MSRA: variants seen among roughly 807,000 people sequenced by gnomAD.
MSRA encodes the protein methionine sulfoxide reductase A.
Under a neutral mutation model 31.3 loss-of-function variants are expected in MSRA, and 54 were observed. The observed-to-expected ratio is 1.73, with a 90% CI of 1.39 to 2.17. The LOEUF is 2.17. MSRA is among the 30% of genes most tolerant of loss of function. The pLI is 0.00. For synonymous variants in MSRA, 169 were observed against 116.5 expected (o/e 1.45, Z -2.90); for missense variants, 507 against 300.9 (o/e 1.69, Z -5.07).
chr8:10,152,207 G>C (rs534537988), intron 1 of MSRA, among the ~76,000 whole-genome samples: 1 of 152,250 alleles, frequency 6.6e-6, no homozygotes, highest in South Asian at 2.1e-4. Flanking sequence ...GAACAAAACT[G>C]TCTGTGTGCA....
chr8:10,151,691 G>A (rs1440582996), intron 1 of MSRA, among the ~76,000 whole-genome samples: 1 of 152,116 alleles, frequency 6.6e-6, no homozygotes, highest in Non-Finnish European at 1.5e-5. Flanking sequence ...GCAGGAGAAA[G>A]GGCGTTGAGT....
intron 1 of MSRA, chr8:10,096,259 C>A (rs76103397): frequency 6.1e-5 from 72 of 1,177,788 alleles, no homozygotes; most frequent in Non-Finnish European, 7.5e-5. Flanking sequence ...AGTGACAACA[C>A]TGAAGACCAG....
intron 5 of MSRA, among the ~76,000 whole-genome samples, chr8:10,394,698 C>G (rs757263825): frequency 6.6e-6 from 1 of 152,248 alleles, no homozygotes; most frequent in Non-Finnish European, 1.5e-5. Context: ...GGAAACAGGT[C>G]CTGCTTCCCT....
At chr8:10,085,305 G>C (rs529857636) in intron 1 of MSRA, among the ~76,000 whole-genome samples, 3 of 152,254 alleles carry the variant, frequency 2.0e-5, no homozygotes, top group African/African-American at 7.2e-5. Context: ...GGCCCCATTT[G>C]AGATGAACAT....
chr8:10,288,035 T>C (rs1800030347), intron 3 of MSRA, among the ~76,000 whole-genome samples: 2 of 152,118 alleles, frequency 1.3e-5, no homozygotes, highest in Non-Finnish European at 2.9e-5. Flanking sequence ...AGTAAATACT[T>C]AGTGAATGAA....
At chr8:10,147,352 T>C (rs934144644) in intron 1 of MSRA, among the ~76,000 whole-genome samples, 1 of 152,088 alleles carries the variant, frequency 6.6e-6, no homozygotes, top group African/African-American at 2.4e-5. Context: ...GAGGGTCAGC[T>C]TCCGCAGCAG....
At chr8:10,067,835 T>A (rs1381297025) in intron 1 of MSRA, among the ~76,000 whole-genome samples, 1 of 149,718 alleles carries the variant, frequency 6.7e-6, no homozygotes, top group Non-Finnish European at 1.5e-5. Context: ...TCTGTTCAAA[T>A]CTTTTGCCCA....
chr8:10,370,139 C>T (rs1232322242), intron 5 of MSRA, among the ~76,000 whole-genome samples: 3 of 152,212 alleles, frequency 2.0e-5, no homozygotes, highest in Non-Finnish European at 4.4e-5. Flanking sequence ...AATGCTTCCA[C>T]ATGTCATTTT....
Position 10,350,600 on chromosome 8 carries a change from A to T in MSRA, c.543+30611A>T, listed in dbSNP as rs565377064. On this transcript the variant is annotated intron_variant, in intron 5 of 5. Coordinates refer to ENST00000317173, the MANE Select transcript of MSRA (RefSeq NM_012331.5). Reference sequence around the variant, plus strand: ...CACTGGTCAGCAGCCGTAATGTTTGAATTGGAACCAGAAAATAGCTCTCAA... The same window carrying T: ...CACTGGTCAGCAGCCGTAATGTTTGTATTGGAACCAGAAAATAGCTCTCAA... 3.3e-5 allele frequency among the ~76,000 whole-genome samples: 5 copies of T among 152,352 alleles called. No homozygotes were observed. The South Asian group carries it at 1.0e-3, about 32-fold the overall frequency.
chr8:10,227,572 T>G (rs984273418), intron 2 of MSRA, among the ~76,000 whole-genome samples: 3 of 152,106 alleles, frequency 2.0e-5, no homozygotes, highest in African/African-American at 4.8e-5. Context: ...CAGAGAATAT[T>G]CCCGGGGTTA....
chr8:10,159,155 A>C (rs972534672), intron 1 of MSRA, among the ~76,000 whole-genome samples: 6 of 152,214 alleles, frequency 3.9e-5, no homozygotes, highest in Non-Finnish European at 8.8e-5. Flanking sequence ...AGTGGATTAC[A>C]GGGGAATCTA....
At chr8:10,337,474 C>A (rs1039363055) in intron 5 of MSRA, 5 of 496,756 alleles carry the variant, frequency 1.0e-5, no homozygotes, top group Non-Finnish European at 1.8e-5. Flanking sequence ...CCACCACGCC[C>A]GGCCAAGCCT....
chr8:10,057,534 ATATGG>A (rs1224850797), intron 1 of MSRA, among the ~76,000 whole-genome samples: 3 of 152,104 alleles, frequency 2.0e-5, no homozygotes, highest in African/African-American at 4.8e-5. Flanking sequence ...TAAAAGTCCA[ATATGG>A]TTTGGTTTTG....
intron 3 of MSRA, among the ~76,000 whole-genome samples, chr8:10,246,862 A>G (rs145529150): frequency 6.6e-6 from 1 of 152,316 alleles, no homozygotes; most frequent in South Asian, 2.1e-4. Context: ...ACGCTTATGC[A>G]TAGCTATAAA....
At chr8:10,057,714 C>A (rs185551880) in intron 1 of MSRA, among the ~76,000 whole-genome samples, 3 of 152,054 alleles carry the variant, frequency 2.0e-5, no homozygotes, top group African/African-American at 7.2e-5. Context: ...GTAGCTTGCC[C>A]CTTTGCGCTC....
At chr8:10,278,502 A>G (rs952200375) in intron 3 of MSRA, among the ~76,000 whole-genome samples, 6 of 152,224 alleles carry the variant, frequency 3.9e-5, no homozygotes, top group African/African-American at 1.4e-4. Flanking sequence ...GCTATCTCCC[A>G]TAACCCCATT....
chr8:10,212,858 G>C (rs17692624), intron 2 of MSRA, among the ~76,000 whole-genome samples: 47,606 of 151,956 alleles, frequency 0.31, 8,141 homozygotes, highest in East Asian at 0.64. Flanking sequence ...ATTCTGCTAA[G>C]TCAAAATTCT....
intron 3 of MSRA, among the ~76,000 whole-genome samples, chr8:10,291,183 G>C (rs1326565690): frequency 6.6e-6 from 1 of 152,140 alleles, no homozygotes; most frequent in African/African-American, 2.4e-5. Flanking sequence ...TCTTGATCCA[G>C]TACTGAGCTG....
At chr8:10,418,815 T>TAAAAAAAAAAAAAAAAAAAAAAAA (rs71203323) in intron 5 of MSRA, among the ~76,000 whole-genome samples, 3 of 66,032 alleles carry the variant, frequency 4.5e-5, no homozygotes, top group East Asian at 5.9e-4. Flanking sequence ...TTACTACGAC[T>TAAAAAAAAAAAAAAAAAAAAAAAA]AAAAAAAAAA....
Sources: allele counts gnomAD v4.1 joint callset (sites outside exome capture counted in the v4.1 genomes callset), GRCh38; gene constraint gnomAD v4.1.1; transcripts MANE v1.5; gene names NCBI Gene and HGNC (gene_info 2026-07-23, HGNC 2026-07-21).